CPS1: variants seen among roughly 807,000 people sequenced by gnomAD.
CPS1 encodes the protein carbamoyl-phosphate synthase [ammonia], mitochondrial.
CPS1 carries 109 observed loss-of-function variants against 174.6 expected under a neutral mutation model. That is an observed-to-expected ratio of 0.62 (90% CI 0.53 to 0.73). The LOEUF is 0.73. Among genes scored for constraint, CPS1 ranks in the 30% least tolerant of loss-of-function variants. The pLI is 0.00. For synonymous variants in CPS1, 637 were observed against 632.0 expected (o/e 1.01, Z -0.12); for missense variants, 1,689 against 1,821.9 (o/e 0.93, Z 1.33).
intron 25 of CPS1, among the ~76,000 whole-genome samples, chr2:210,645,281 G>A (rs192092734): frequency 9.2e-5 from 14 of 151,828 alleles, no homozygotes; most frequent in East Asian, 3.9e-4. Flanking sequence ...GATTCTAGTC[G>A]TCAATGATGA....
rs190512256 is a variant in CPS1 at position 210,518,041 on chromosome 2, A to G, written c.4-38678A>G. On this transcript the variant is annotated intron_variant, in intron 1 of 38. Coordinates refer to the CPS1 transcript ENST00000430249. The stretch of plus-strand genomic sequence containing the variant: ...AGATTGCTGTTGGTAATGCTATGAT[A>G]GTTTAAGTGCCATATAGTTTAAGAA... 2.0e-3 allele frequency among the ~76,000 whole-genome samples: 298 copies of G among 152,094 alleles called. 5 individuals are homozygous for G. Among genetic ancestry groups the G allele is most frequent in the Non-Finnish European group, 5.3e-4 (36 of 67,938 alleles).
intron 17 of CPS1, 55 bp from the exon 18 acceptor site, chr2:210,606,676 T>G (rs894584199): frequency 6.5e-6 from 10 of 1,533,128 alleles, no homozygotes; most frequent in African/African-American, 1.4e-5. Context: ...GTTAAGTCGC[T>G]GAAGTTGGTT....
intron 1 of CPS1, among the ~76,000 whole-genome samples, chr2:210,483,061 T>C (rs972323466): frequency 2.0e-5 from 3 of 152,190 alleles, no homozygotes; most frequent in African/African-American, 4.8e-5. Flanking sequence ...GTTATAAAAG[T>C]TTAATTTGAT....
chr2:210,502,083 A>G (rs1695153821), intron 1 of CPS1, among the ~76,000 whole-genome samples: 1 of 152,082 alleles, frequency 6.6e-6, no homozygotes, highest in South Asian at 2.1e-4. Flanking sequence ...TTATATAGCC[A>G]TCAGATCTTG....
At position 210,602,215 on chromosome 2, in the gene CPS1, T is replaced by G. The variant is rs1698750285; in HGVS notation, c.1721T>G (p.Leu574Arg). 6.2e-7 allele frequency: 1 copy of G among 1,612,398 alleles called. No homozygotes were observed. Among genetic ancestry groups the G allele is most frequent in the Non-Finnish European group, 8.5e-7 (1 of 1,179,032 alleles). ...SFAVESIEDA[L>R]KAADTIGYPV... ...TCTTGTTGACAGATTGAGGATGCAC[T>G]GAAGGCAGCAGACACCATTGGCTAC... Residue 574 changes from leucine to arginine, a missense_variant, in exon 16 of 38, where the codon CTG becomes CGG. Transcript: ENST00000233072.
chr2:210,639,618 CAAAAAAAAAAA>C (rs397987630), intron 23 of CPS1, among the ~76,000 whole-genome samples: 11 of 32,058 alleles, frequency 3.4e-4, no homozygotes, highest in African/African-American at 5.3e-4. Context: ...GACTCCGTCT[CAAAAAAAAAAA>C]AAAAAAAAAA....
chr2:210,523,652 A>G (rs909463975), intron 1 of CPS1, among the ~76,000 whole-genome samples: 9 of 152,126 alleles, frequency 5.9e-5, no homozygotes, highest in African/African-American at 2.2e-4. Context: ...ATTCCCATCC[A>G]TGTTGCTGCA....
intron 1 of CPS1, among the ~76,000 whole-genome samples, chr2:210,507,165 T>C (rs1244060933): frequency 6.6e-6 from 1 of 152,234 alleles, no homozygotes; most frequent in Non-Finnish European, 1.5e-5. Context: ...CCTATCAGAC[T>C]AACAATGGAT....
chr2:210,510,351 TCC>T (rs1695428234), intron 1 of CPS1, among the ~76,000 whole-genome samples: 1 of 152,134 alleles, frequency 6.6e-6, no homozygotes, highest in Non-Finnish European at 1.5e-5. Context: ...CTGGATCCCT[TCC>T]TTACACCTTA....
At chr2:210,643,119 C>G (rs182366309) in intron 25 of CPS1, among the ~76,000 whole-genome samples, 1 of 152,264 alleles carries the variant, frequency 6.6e-6, no homozygotes, top group East Asian at 1.9e-4. Flanking sequence ...TCACAAAAGA[C>G]CAGTTAATTC....
intron 24 of CPS1, 71 bp from the exon 25 acceptor site, chr2:210,642,413 A>G (rs1700254498): frequency 6.4e-7 from 1 of 1,562,870 alleles, no homozygotes; most frequent in Non-Finnish European, 8.8e-7. Flanking sequence ...CTGGTGATAC[A>G]TTTCTGCTTC....
At chr2:210,547,548 A>T (rs1696596638) in intron 1 of CPS1, among the ~76,000 whole-genome samples, 1 of 152,060 alleles carries the variant, frequency 6.6e-6, no homozygotes, top group African/African-American at 2.4e-5. Flanking sequence ...AGTCTAGTGG[A>T]TGGCAATTCT....
chr2:210,478,944 TC>T (rs1367056890), intron 1 of CPS1, among the ~76,000 whole-genome samples: 1 of 36,710 alleles, frequency 2.7e-5, no homozygotes, highest in Non-Finnish European at 5.4e-5. Context: ...CTCCCTTCCC[TC>T]CCTCCCTCCC....
intron 1 of CPS1, among the ~76,000 whole-genome samples, chr2:210,550,786 G>A (rs1448243179): frequency 1.3e-5 from 2 of 151,274 alleles, no homozygotes; most frequent in African/African-American, 2.4e-5. Context: ...TCTATTGAGG[G>A]GTCTTTCTTA....
intron 1 of CPS1, among the ~76,000 whole-genome samples, chr2:210,484,147 G>T (rs1694652380): frequency 6.6e-6 from 1 of 152,188 alleles, no homozygotes; most frequent in South Asian, 2.1e-4. Context: ...CAGTCAGGGA[G>T]GTTTCATAGA....
rs367836761 is a variant in CPS1, at chr2:210,656,475, G to A, written c.3559-50G>A. 3.7e-6 allele frequency: 5 copies of A among 1,348,260 alleles called. No individual in the cohort carries two copies. In the African/African-American group the frequency reaches 5.8e-5, roughly 16 times the overall value. The allele number at this position is 1,348,260 out of a possible 1,614,324, so 83.5% of individuals were successfully genotyped here. A position where few individuals can be genotyped will look rare whatever the true frequency, so the allele number is the denominator to read the frequency against. On this transcript the variant is annotated intron_variant, in intron 29 of 37. Coordinates refer to ENST00000233072, the MANE Select transcript of CPS1 (RefSeq NM_001875.5). ...GGATGAGGGAGTAGCTTCCTTGAAG[G>A]AAGTACCTGAAAACTTTTTCTAAAA...
In CPS1 at chr2:210,678,194, A is replaced by T; in HGVS notation, c.*209A>T. The T allele has an allele frequency of 3.2e-6, 2 of 631,676 alleles. No homozygotes were observed. The highest frequency in any genetic ancestry group is 4.7e-5 in the Admixed American group (2 of 42,498). 39.1% of individuals were successfully genotyped at this position (631,676 alleles called of 1,614,324 possible). On this transcript the variant is annotated 3_prime_UTR_variant, in exon 38 of 38. Coordinates refer to ENST00000233072, the MANE Select transcript of CPS1 (RefSeq NM_001875.5). ...AGTCCTTCCTAAGTTACTCTTCATG[A>T]GATTTCATCCATTTACTAATACTGT...
intron 33 of CPS1, among the ~76,000 whole-genome samples, chr2:210,664,540 T>C (rs538566607): frequency 2.0e-5 from 3 of 152,070 alleles, no homozygotes; most frequent in Admixed American, 6.6e-5. Context: ...CGTTTCTCCA[T>C]GTGGGTCAGG....
chr2:210,564,456 A>G (rs1410183116), intron 1 of CPS1, among the ~76,000 whole-genome samples: 1 of 152,176 alleles, frequency 6.6e-6, no homozygotes, highest in African/African-American at 2.4e-5. Flanking sequence ...GCTCACTGCA[A>G]GGTCCGCCTC....
Sources: gnomAD v4.1 joint callset for allele counts (sites outside exome capture counted in the v4.1 genomes callset) on GRCh38, gnomAD v4.1.1 for gene constraint, MANE v1.5 for transcripts, NCBI Gene and HGNC (gene_info 2026-07-23, HGNC 2026-07-21) for gene names.